MBNL1: variants seen among roughly 807,000 people sequenced by gnomAD.
MBNL1 encodes muscleblind-like protein 1.
A neutral mutation model predicts 42.2 loss-of-function variants in MBNL1; 8 were observed. The observed-to-expected ratio is 0.19, with a 90% CI of 0.11 to 0.34. MBNL1 has a LOEUF of 0.34. Among genes scored for constraint, MBNL1 ranks in the 10% least tolerant of loss-of-function variants. The pLI is 1.00. For missense variants in MBNL1, 309 were observed against 495.3 expected (o/e 0.62, Z 3.57); for synonymous variants, 169 against 173.9 (o/e 0.97, Z 0.22).
intron 2 of MBNL1, among the ~76,000 whole-genome samples, chr3:152,314,964 T>C (rs1036944436): frequency 5.3e-5 from 8 of 152,246 alleles, no homozygotes; most frequent in African/African-American, 1.9e-4. Context: ...GCATTCTTGT[T>C]AAGGTTATTG....
intron 3 of MBNL1, among the ~76,000 whole-genome samples, chr3:152,432,265 T>G (rs562411088): frequency 6.6e-6 from 1 of 152,338 alleles, no homozygotes; most frequent in African/African-American, 2.4e-5. Flanking sequence ...CTTTATTTAT[T>G]CCAGATAATA....
chr3:152,351,521 T>C (rs1224043338), intron 2 of MBNL1, among the ~76,000 whole-genome samples: 2 of 152,210 alleles, frequency 1.3e-5, no homozygotes, highest in African/African-American at 4.8e-5. Flanking sequence ...ATTAAAGGTG[T>C]AATTTCACAG....
chr3:152,358,185 GA>G (rs2095664700), intron 2 of MBNL1, among the ~76,000 whole-genome samples: 2 of 152,302 alleles, frequency 1.3e-5, no homozygotes, highest in African/African-American at 2.4e-5. Context: ...TATAAAGAGA[GA>G]TTTTTTTAAG....
rs776971927 is a variant in MBNL1, at chr3:152,447,643, C to T, written c.831C>T (p.Pro277=). 14 of 1,613,326 alleles carry T rather than the reference C, an allele frequency of 8.7e-6. No individual in the cohort carries two copies. The highest frequency in any genetic ancestry group is 1.2e-5 in the Non-Finnish European group (14 of 1,179,540). Residue 277 remains proline (P), a synonymous_variant, in exon 6 of 10, where the codon CCC becomes CCT. Coordinates refer to ENST00000324210, the MANE Select transcript of MBNL1 (RefSeq NM_021038.5). The stretch of plus-strand genomic sequence containing the variant: ...AGGGAATTCCTCAAGCTGTACTTCC[C>T]CCATTACCAAAGAGGCCTGCTCTTG... ...AAMGIPQAVL[P]PLPKRPALEK...
chr3:152,398,818 C>T (rs1014665293), intron 2 of MBNL1, among the ~76,000 whole-genome samples: 6 of 152,154 alleles, frequency 3.9e-5, no homozygotes, highest in Admixed American at 2.6e-4. Flanking sequence ...CTAGACTTTT[C>T]TAGGTGCTCT....
chr3:152,332,374 C>T (rs1422357874), intron 2 of MBNL1, among the ~76,000 whole-genome samples: 1 of 151,912 alleles, frequency 6.6e-6, no homozygotes, highest in African/African-American at 2.4e-5. Flanking sequence ...TGTTGTTAGC[C>T]AAAGAGTAAA....
intron 1 of MBNL1, among the ~76,000 whole-genome samples, chr3:152,274,206 A>G (rs1202817777): frequency 1.5e-5 from 2 of 134,840 alleles, no homozygotes; most frequent in East Asian, 4.3e-4. Flanking sequence ...TAGAGAGCTA[A>G]GAAGATTCTA....
In MBNL1 at chr3:152,300,311, T is replaced by C; in HGVS notation, c.118T>C (p.Ser40Pro). 1.2e-6 allele frequency: 2 copies of C among 1,614,108 alleles called. No individual in the cohort carries two copies. Among genetic ancestry groups the C allele is most frequent in the Non-Finnish European group, 8.5e-7 (1 of 1,179,964 alleles). Residue 40 changes from serine to proline, a missense_variant, in exon 2 of 10, where the codon TCG becomes CCG. Transcript: ENST00000324210. Reference protein sequence around the residue: ...PDTECKFAHPSKSCQVENGRV... With the variant: ...PDTECKFAHPPKSCQVENGRV... ...CACGGAATGTAAATTTGCACATCCT[T>C]CGAAAAGCTGCCAAGTTGAAAATGG...
chr3:152,461,475 A>G (rs551999061), intron 9 of MBNL1, among the ~76,000 whole-genome samples: 1 of 152,310 alleles, frequency 6.6e-6, no homozygotes, highest in African/African-American at 2.4e-5. Context: ...TGTGTTTGGT[A>G]TGTATATATT....
chr3:152,403,155 G>A (rs1021510671), intron 2 of MBNL1, among the ~76,000 whole-genome samples: 13 of 151,610 alleles, frequency 8.6e-5, no homozygotes, highest in African/African-American at 2.2e-4. Flanking sequence ...AAAAAAAATC[G>A]TGTGACAACC....
chr3:152,401,262 A>G (rs2098204958), intron 2 of MBNL1, among the ~76,000 whole-genome samples: 1 of 152,224 alleles, frequency 6.6e-6, no homozygotes, highest in African/African-American at 2.4e-5. Flanking sequence ...AATTATCTAT[A>G]ATATAGCTTG....
At chr3:152,399,089 G>A (rs924845831) in intron 2 of MBNL1, among the ~76,000 whole-genome samples, 1 of 152,132 alleles carries the variant, frequency 6.6e-6, no homozygotes. Flanking sequence ...TTATATGCGT[G>A]CCTTGTTTCC....
At chr3:152,325,348 G>C (rs895436635) in intron 2 of MBNL1, among the ~76,000 whole-genome samples, 13 of 151,768 alleles carry the variant, frequency 8.6e-5, no homozygotes, top group African/African-American at 2.4e-4. Context: ...CACAGCCTAC[G>C]ACTTACACCT....
At chr3:152,417,498 T>TCAC (rs2153661724) in intron 3 of MBNL1, among the ~76,000 whole-genome samples, 2 of 152,232 alleles carry the variant, frequency 1.3e-5, no homozygotes, top group South Asian at 4.2e-4. Context: ...ATCTGAGCAG[T>TCAC]GACAAGACTT....
At chr3:152,338,074 G>T in intron 2 of MBNL1, 1 of 940,594 alleles carries the variant, frequency 1.1e-6, no homozygotes, top group Non-Finnish European at 1.3e-6. Context: ...AACCATAAAT[G>T]CCGTAGGCAT....
intron 2 of MBNL1, among the ~76,000 whole-genome samples, chr3:152,414,069 AT>A (rs545470874): frequency 1.5e-3 from 227 of 152,198 alleles, no homozygotes; most frequent in African/African-American, 5.4e-3. Flanking sequence ...AACATGTATG[AT>A]TTATCTCCAT....
At position 152,426,297 on chromosome 3, in the gene MBNL1, G is replaced by A. The variant is rs191455014; in HGVS notation, c.346-6420G>A. The stretch of plus-strand genomic sequence containing the variant: ...ACCACCATGTCCATGTCACATGTAT[G>A]CCCATGTAACAAACCTGCACGTTCT... On this transcript the variant is annotated intron_variant, in intron 3 of 9. Coordinates refer to ENST00000324210, the MANE Select transcript of MBNL1 (RefSeq NM_021038.5). Among the ~76,000 whole-genome samples the A allele has an allele frequency of 7.2e-5, 11 of 152,174 alleles. No homozygotes were observed. In the East Asian group the frequency reaches 2.1e-3, roughly 29 times the overall value.
chr3:152,261,100 A>G (rs1386186442), intron 2 of MBNL1, among the ~76,000 whole-genome samples: 1 of 152,180 alleles, frequency 6.6e-6, no homozygotes, highest in East Asian at 1.9e-4. Flanking sequence ...TGCAGAGTTT[A>G]GGCAAGAAGC....
intron 1 of MBNL1, among the ~76,000 whole-genome samples, chr3:152,285,172 AG>A (rs2050831018): frequency 6.6e-6 from 1 of 152,206 alleles, no homozygotes; most frequent in Non-Finnish European, 1.5e-5. Context: ...GCTAACCACA[AG>A]CAATGCAGTA....
Sources: allele counts gnomAD v4.1 joint callset (sites outside exome capture counted in the v4.1 genomes callset), GRCh38; gene constraint gnomAD v4.1.1; transcripts MANE v1.5; gene names NCBI Gene and HGNC (gene_info 2026-07-23, HGNC 2026-07-21).